PVT1: variants seen among roughly 807,000 people sequenced by gnomAD.
PVT1 encodes the protein Pvt1 oncogene, also known as CXCR4/PVT1 fusion.
At chr8:127,836,323 G>A (rs1189628240) in intron 2 of PVT1, among the ~76,000 whole-genome samples, 3 of 152,014 alleles carry the variant, frequency 2.0e-5, no homozygotes, top group East Asian at 1.9e-4. Context: ...TTTACATTCC[G>A]AGGTACATGT....
chr8:127,856,941 G>A (rs1815168046), intron 2 of PVT1, among the ~76,000 whole-genome samples: 1 of 152,096 alleles, frequency 6.6e-6, no homozygotes, highest in African/African-American at 2.4e-5. Context: ...AAAATAATCC[G>A]AGGGCTGGGC....
chr8:127,809,904 G>C (rs1266833099), intron 2 of PVT1, among the ~76,000 whole-genome samples: 1 of 152,226 alleles, frequency 6.6e-6, no homozygotes, highest in Non-Finnish European at 1.5e-5. Context: ...TATCCATGTG[G>C]TACATTGCTT....
chr8:128,047,050 T>A (rs1813623599), intron 4 of PVT1, among the ~76,000 whole-genome samples: 1 of 152,242 alleles, frequency 6.6e-6, no homozygotes, highest in Admixed American at 6.5e-5. Flanking sequence ...AGTCATACTC[T>A]CTTTATCTTT....
intron 4 of PVT1, among the ~76,000 whole-genome samples, chr8:128,005,185 A>G (rs1464677829): frequency 6.6e-6 from 1 of 152,186 alleles, no homozygotes; most frequent in Admixed American, 6.5e-5. Flanking sequence ...ACTATCACTA[A>G]TAAGTTTGAC....
intron 2 of PVT1, among the ~76,000 whole-genome samples, chr8:127,849,395 C>A (rs1815077179): frequency 6.6e-6 from 1 of 152,168 alleles, no homozygotes; most frequent in South Asian, 2.1e-4. Flanking sequence ...TTAGGCAGAA[C>A]TTGCAGCTTG....
intron 2 of PVT1, among the ~76,000 whole-genome samples, chr8:127,823,969 G>T (rs538130512): frequency 1.3e-5 from 2 of 152,168 alleles, no homozygotes; most frequent in Admixed American, 6.5e-5. Context: ...GAGGCGGGAG[G>T]ATCTCTTGAG....
At chr8:128,061,554 A>G (rs553489854) in intron 4 of PVT1, among the ~76,000 whole-genome samples, 1 of 152,284 alleles carries the variant, frequency 6.6e-6, no homozygotes, top group South Asian at 2.1e-4. Flanking sequence ...TGGTAACTCT[A>G]TGTATAACCT....
chr8:128,011,757 G>A (rs574597501), intron 4 of PVT1, among the ~76,000 whole-genome samples: 2 of 152,300 alleles, frequency 1.3e-5, no homozygotes, highest in African/African-American at 2.4e-5. Context: ...GTGAAAGGCT[G>A]AGAAGAGGTC....
chr8:127,829,752 C>T (rs1814829825), intron 2 of PVT1, among the ~76,000 whole-genome samples: 1 of 152,180 alleles, frequency 6.6e-6, no homozygotes, highest in African/African-American at 2.4e-5. Flanking sequence ...TGGTAAGATG[C>T]TGTGTTCATT....
At chr8:127,989,582 AGCTGT>A (rs1817008234) in intron 4 of PVT1, among the ~76,000 whole-genome samples, 1 of 152,188 alleles carries the variant, frequency 6.6e-6, no homozygotes, top group Non-Finnish European at 1.5e-5. Flanking sequence ...AGGATGCTCC[AGCTGT>A]CTTGTGAAAA....
chr8:127,879,464 G>C (rs1815440380), intron 2 of PVT1, among the ~76,000 whole-genome samples: 1 of 152,236 alleles, frequency 6.6e-6, no homozygotes, highest in African/African-American at 2.4e-5. Flanking sequence ...AGGAGGTGGA[G>C]GTTGTAGTGA....
intron 3 of PVT1, among the ~76,000 whole-genome samples, chr8:127,922,285 C>A (rs1047432448): frequency 2.8e-5 from 4 of 145,450 alleles, no homozygotes; most frequent in Non-Finnish European, 6.1e-5. Context: ...CACCCCCCCC[C>A]CCACCAAGGA....
chr8:127,890,285 A>G (rs1172505045), intron 2 of PVT1, among the ~76,000 whole-genome samples: 1 of 152,186 alleles, frequency 6.6e-6, no homozygotes, highest in Admixed American at 6.5e-5. Flanking sequence ...GCCAGTCACA[A>G]ACATTCTCCT....
intron 3 of PVT1, among the ~76,000 whole-genome samples, chr8:127,953,305 C>T (rs1816529452): frequency 6.6e-6 from 1 of 152,168 alleles, no homozygotes; most frequent in South Asian, 2.1e-4. Context: ...AATGCTTTTA[C>T]TGGACTCTGC....
chr8:127,887,931 G>GTTTTTTTTTTT lies in PVT1; in HGVS notation n.373-2641_373-2631dup, dbSNP rs560976785. ...TGGATGCAGAATCTCACTCTATCTTGTTTTTTTTTTTTTTTTTTTTTTTTT... is the reference window on the plus strand; with the variant it reads ...TGGATGCAGAATCTCACTCTATCTTGTTTTTTTTTTTTTTTTTTTTTTTTTTTTTTTTTTTT... On this transcript the variant is annotated intron_variant and non_coding_transcript_variant, in intron 2 of 10. Transcript: ENST00000651587. 2.1e-4 allele frequency among the ~76,000 whole-genome samples: 14 copies of GTTTTTTTTTTT among 66,588 alleles called. 5 individuals are homozygous for GTTTTTTTTTTT. Among genetic ancestry groups the GTTTTTTTTTTT allele is most frequent in the African/African-American group, 7.1e-4 (11 of 15,402 alleles). The allele number at this position is 66,588 out of a possible 152,430, so 43.7% of individuals were successfully genotyped here.
chr8:128,077,277 A>ACACC (rs1487066875), intron 5 of PVT1, among the ~76,000 whole-genome samples: 1 of 152,110 alleles, frequency 6.6e-6, no homozygotes, highest in Non-Finnish European at 1.5e-5. Flanking sequence ...CTGTTCCTGA[A>ACACC]CACCCCTTAG....
chr8:127,875,624 T>A (rs549088669), intron 2 of PVT1, among the ~76,000 whole-genome samples: 1 of 152,204 alleles, frequency 6.6e-6, no homozygotes, highest in African/African-American at 2.4e-5. Flanking sequence ...TGATATAGCG[T>A]GTACTCCTTT....
chr8:127,881,435 A>T (rs1408362824), intron 2 of PVT1, among the ~76,000 whole-genome samples: 7 of 100,838 alleles, frequency 6.9e-5, no homozygotes, highest in East Asian at 2.7e-4. Flanking sequence ...TATTGTTATT[A>T]TATTATTATT....
chr8:128,029,756 G>A lies in PVT1; in HGVS notation n.913-40404G>A, dbSNP rs1310728315. The stretch of plus-strand genomic sequence containing the variant: ...GGAGGTTGCAGTGAGCCGAGATCGC[G>A]CCACTGCACTCCAGCCTGGGCAACA... On this transcript the variant is annotated intron_variant and non_coding_transcript_variant, in intron 4 of 10. Coordinates refer to ENST00000651587, the Ensembl canonical transcript of PVT1. Among the ~76,000 whole-genome samples, 7 of 152,246 alleles carry A rather than the reference G, an allele frequency of 4.6e-5. No homozygotes were observed. The East Asian group carries it at 9.7e-4, about 21-fold the overall frequency.
Sources: gnomAD v4.1 joint callset for allele counts (sites outside exome capture counted in the v4.1 genomes callset) on GRCh38, gnomAD v4.1.1 for gene constraint, MANE v1.5 for transcripts, NCBI Gene and HGNC (gene_info 2026-07-23, HGNC 2026-07-21) for gene names.